The following OPN4 variants were observed in gnomAD, a reference collection of about 807,000 sequenced individuals.
OPN4 encodes melanopsin.
In OPN4, 43 loss-of-function variants were observed where a neutral mutation model predicts 49.5. That is an observed-to-expected ratio of 0.87 (90% CI 0.68 to 1.12). The LOEUF is 1.12. OPN4 is among the 50% of genes most tolerant of loss of function. OPN4 has a pLI of 0.00. For missense variants in OPN4, 657 were observed against 643.9 expected, an observed-to-expected ratio of 1.02 and a Z score of -0.22; for synonymous variants, 263 against 258.0, an observed-to-expected ratio of 1.02 and a Z score of -0.19.
intron 5 of OPN4, 49 bp downstream of exon 5, chr10:86,659,517 G>T (rs185481369): frequency 1.9e-6 from 3 of 1,581,838 alleles, no homozygotes; most frequent in Non-Finnish European, 2.6e-6. Context: ...CCGGCCCCTC[G>T]GCCAGGCGGC....
intron 6 of OPN4, 88 bp downstream of exon 6, chr10:86,660,147 C>G: frequency 1.4e-6 from 2 of 1,432,724 alleles, no homozygotes; most frequent in South Asian, 1.2e-5. Context: ...CCCAGCCCAA[C>G]CCCGGCCAGC....
In OPN4 at chr10:86,660,062, A is replaced by G. The variant is rs374925284; in HGVS notation, c.965+3A>G. 2 of 1,613,960 alleles carry G rather than the reference A, an allele frequency of 1.2e-6. No individual in the cohort carries two copies. The highest frequency in any genetic ancestry group is 2.7e-5 in the African/African-American group (2 of 74,916). Reference sequence around the variant, plus strand: ...GTGGCCCTGGTGGCCTTTGCTGGGTAAGCAGTGGCTAAAGGGTTGGGGAAG... The same window carrying G: ...GTGGCCCTGGTGGCCTTTGCTGGGTGAGCAGTGGCTAAAGGGTTGGGGAAG... On this transcript the variant is annotated splice_donor_region_variant and intron_variant, in intron 6 of 9. Coordinates refer to ENST00000241891, the MANE Select transcript of OPN4 (RefSeq NM_033282.4).
chr10:86,663,772 C>T lies in OPN4; in HGVS notation c.1368C>T (p.Pro456=). Residue 456 remains proline (P), a synonymous_variant, in exon 9 of 10, where the codon CCC becomes CCT. Transcript: ENST00000241891. ...TGGAAGCCAAGGCACCCCCCAGACC[C>T]CAGGGACACGAAGCAGAGACTCCAG... ...EDLEAKAPPR[P]QGHEAETPGK... is the part of the protein sequence containing the mutation. 6.4e-7 allele frequency: 1 copy of T among 1,558,378 alleles called. No individual in the cohort carries two copies. Among genetic ancestry groups the T allele is most frequent in the South Asian group, 1.2e-5 (1 of 84,568 alleles).
intron 7 of OPN4, 74 bp downstream of exon 7, chr10:86,661,462 C>T (rs1245511548): frequency 3.7e-6 from 4 of 1,079,528 alleles, no homozygotes; most frequent in African/African-American, 3.2e-5. Context: ...GAGGCCACCA[C>T]CTTTCTGTCT....
rs753317541 is a variant in OPN4, at chr10:86,659,357, C to T, written c.689C>T (p.Pro230Leu). 27 of 1,613,832 alleles carry T rather than the reference C, an allele frequency of 1.7e-5. No individual in the cohort carries two copies. The highest frequency in any genetic ancestry group is 1.6e-4 in the Middle Eastern group (1 of 6,084). The change falls in exon 5 of 10, where the codon CCG becomes CTG. Residue 230 changes from proline (P) to leucine (L), a missense_variant. Physicochemically the swap from Pro to Leu is moderately conservative, Grantham distance 98 (BLOSUM62 -3). Transcript: ENST00000241891. ...TCCTGGGACTACATGAGCTTCACGCCGGCCGTGCGTGCCTACACCATGCTT... is the reference window on the plus strand; with the variant it reads ...TCCTGGGACTACATGAGCTTCACGCTGGCCGTGCGTGCCTACACCATGCTT... ...SCSWDYMSFT[P>L]AVRAYTMLLC...
intron 2 of OPN4, among the ~76,000 whole-genome samples, chr10:86,656,716 G>A (rs912558660): frequency 2.0e-5 from 3 of 152,170 alleles, no homozygotes; most frequent in East Asian, 3.9e-4. Context: ...AGGCCAAGGC[G>A]AGCAGATCAC....
intron 2 of OPN4, among the ~76,000 whole-genome samples, chr10:86,657,473 C>G (rs902418203): frequency 6.6e-6 from 1 of 152,102 alleles, no homozygotes; most frequent in African/African-American, 2.4e-5. Context: ...ATTACAGAGA[C>G]AGTGTGCAGG....
chr10:86,658,117 G>C lies in OPN4; in HGVS notation c.376G>C (p.Val126Leu), dbSNP rs201523315. The C allele has an allele frequency of 6.8e-6, 11 of 1,614,144 alleles. No homozygotes were observed. The highest frequency in any genetic ancestry group is 6.7e-5 in the Admixed American group (4 of 60,024). ...CCTCATGTCCTTCACCCAGGCCCCTGTCTTCTTCACCAGTAGCCTCTATAA... is the reference window on the plus strand; with the variant it reads ...CCTCATGTCCTTCACCCAGGCCCCTCTCTTCTTCACCAGTAGCCTCTATAA... ...DFLMSFTQAP[V>L]FFTSSLYKQW... Residue 126 changes from valine (V) to leucine (L), a missense_variant, in exon 3 of 10, where the codon GTC (valine) becomes CTC (leucine). Physicochemically the swap from Val to Leu is conservative, Grantham distance 32. Coordinates refer to ENST00000241891, the MANE Select transcript of OPN4 (RefSeq NM_033282.4).
intron 2 of OPN4, 50 bp downstream of exon 2, chr10:86,656,350 C>T (rs1456843229): frequency 6.5e-7 from 1 of 1,540,916 alleles, no homozygotes; most frequent in Admixed American, 2.0e-5. Context: ...GGCAGCCATG[C>T]AGACAGGGAA....
At chr10:86,662,739 G>A (rs978445250) in intron 8 of OPN4, among the ~76,000 whole-genome samples, 6 of 152,224 alleles carry the variant, frequency 3.9e-5, no homozygotes, top group Admixed American at 2.0e-4. Context: ...CCCTAGAGCC[G>A]CAGCCTGAAG....
rs888775260 is a variant in OPN4 at position 86,663,844 on chromosome 10, G to A, written c.1398+42G>A. 9 of 1,543,716 alleles carry A rather than the reference G, an allele frequency of 5.8e-6. No homozygotes were observed. In the African/African-American group the frequency reaches 6.9e-5, roughly 12 times the overall value. On this transcript the variant is annotated intron_variant, in intron 9 of 9. Coordinates refer to ENST00000241891, the MANE Select transcript of OPN4 (RefSeq NM_033282.4). ...CCTGCCAATCCACAAAGGGGTGGGG[G>A]TTAGGGGCCAGTAGCCCAGGGAGAG... is the stretch of plus-strand genomic sequence containing the variant.
At chr10:86,655,008 T>C in intron 1 of OPN4, 81 bp downstream of exon 1, 1 of 1,423,832 alleles carries the variant, frequency 7.0e-7, no homozygotes, top group East Asian at 2.3e-5. Context: ...ACAGGGGCTT[T>C]GACAGGGAGA....
chr10:86,656,024 G>A (rs908169936), intron 1 of OPN4, 131 bp from the exon 2 acceptor site: 11 of 1,141,178 alleles, frequency 9.6e-6, no homozygotes, highest in Middle Eastern at 4.3e-4. Context: ...AGCTGTGTGT[G>A]CAACTGGCTT....
chr10:86,658,455 A>G (rs1012453439), intron 3 of OPN4, 29 bp from the exon 4 acceptor site: 9 of 1,609,638 alleles, frequency 5.6e-6, no homozygotes, highest in Non-Finnish European at 6.8e-6. Context: ...CCTCCTCCCC[A>G]GGACTCAGAG....
chr10:86,657,217 G>C (rs769648621), intron 2 of OPN4: 8 of 780,688 alleles, frequency 1.0e-5, no homozygotes, highest in African/African-American at 1.7e-5. Context: ...TGGAGTCACT[G>C]TGATGATGCA....
chr10:86,660,515 G>T (rs193226875), intron 6 of OPN4, among the ~76,000 whole-genome samples: 1 of 152,312 alleles, frequency 6.6e-6, no homozygotes, highest in East Asian at 1.9e-4. Flanking sequence ...TTTGAGAAGT[G>T]AGGGCTATTA....
At chr10:86,657,997 A>T (rs775836075) in intron 2 of OPN4, 35 bp from the exon 3 acceptor site, 3 of 1,602,650 alleles carry the variant, frequency 1.9e-6, no homozygotes, top group South Asian at 2.2e-5. Context: ...TGGAGGTGTC[A>T]GGAAGCGCCT....
At chr10:86,657,348 T>G in intron 2 of OPN4, 2 of 707,254 alleles carry the variant, frequency 2.8e-6, no homozygotes, top group South Asian at 3.1e-5. Flanking sequence ...GACGCCTCCC[T>G]CAGGGTAGAT....
chr10:86,661,120 A>G (rs951311488), intron 6 of OPN4, among the ~76,000 whole-genome samples, 161 bp from the exon 7 acceptor site: 1 of 151,868 alleles, frequency 6.6e-6, no homozygotes, highest in African/African-American at 2.4e-5. Context: ...AGAGCAAAAA[A>G]AAAAAAATTA....
Sources: allele counts gnomAD v4.1 joint callset (sites outside exome capture counted in the v4.1 genomes callset), GRCh38; gene constraint gnomAD v4.1.1; transcripts MANE v1.5; gene names NCBI Gene and HGNC (gene_info 2026-07-23, HGNC 2026-07-21).